PLSCR2: variants seen among roughly 807,000 people sequenced by gnomAD.
PLSCR2 encodes phospholipid scramblase 2.
In PLSCR2, 18 loss-of-function variants were observed where a neutral mutation model predicts 25.3. That is an observed-to-expected ratio of 0.71 (90% CI 0.49 to 1.06). The LOEUF (loss-of-function observed/expected upper bound fraction) is 1.06. Among genes scored for constraint, PLSCR2 ranks in the 50% least tolerant of loss-of-function variants. The pLI, the probability that PLSCR2 is intolerant of heterozygous loss-of-function variation, is 0.00. For synonymous variants in PLSCR2, 88 were observed against 87.3 expected (o/e 1.01, Z -0.04); for missense variants, 243 against 269.5 (o/e 0.90, Z 0.69).
Position 146,469,476 on chromosome 3 carries a change from G to T in PLSCR2, c.-292-9192C>A. 1.0e-6 allele frequency: 1 copy of T among 974,392 alleles called. No individual in the cohort carries two copies. Among genetic ancestry groups the T allele is most frequent in the African/African-American group, 1.8e-5 (1 of 57,046 alleles). 60.4% of individuals were successfully genotyped at this position (974,392 alleles called of 1,614,324 possible). A position where few individuals can be genotyped will look rare whatever the true frequency, so the allele number is the denominator to read the frequency against. On this transcript the variant is annotated intron_variant, in intron 1 of 8. Transcript: ENST00000336685. ...ACCCCAGTCCCATAGGGAGGCGACT[G>T]AGAAAGCCGCCCCCTTACCCGTGGC...
chr3:146,459,357 T>C (rs141996857), intron 2 of PLSCR2, among the ~76,000 whole-genome samples: 43 of 152,322 alleles, frequency 2.8e-4, no homozygotes, highest in Non-Finnish European at 5.4e-4. Flanking sequence ...TTATTCAGTA[T>C]TGGAATTAAA....
chr3:146,443,235 T>C (rs973804239), intron 6 of PLSCR2, among the ~76,000 whole-genome samples: 5 of 152,042 alleles, frequency 3.3e-5, no homozygotes, highest in Non-Finnish European at 7.4e-5. Context: ...TTTTCTTTTT[T>C]AAATATGTCT....
At chr3:146,398,531 C>T (rs1415015446) in intron 2 of PLSCR2, 1 of 150,874 alleles carries the variant, frequency 6.6e-6, no homozygotes, top group Admixed American at 6.6e-5. Context: ...TTTTAAAAAG[C>T]AAATAGTTAC....
At chr3:146,451,107 C>CTTTTTTTTTTTT (rs58373001) in intron 5 of PLSCR2, among the ~76,000 whole-genome samples, 1 of 79,482 alleles carries the variant, frequency 1.3e-5, no homozygotes, top group East Asian at 4.1e-4. Context: ...ATTAAGTTTT[C>CTTTTTTTTTTTT]TTTTTTTTTT....
chr3:146,461,465 C>T (rs540856463), upstream of PLSCR2, among the ~76,000 whole-genome samples: 8 of 152,094 alleles, frequency 5.3e-5, no homozygotes, highest in East Asian at 1.4e-3. Flanking sequence ...TGTCAATGAG[C>T]TTACAGTTAA....
At chr3:146,424,967 G>T (rs552904001) in intron 2 of PLSCR2, among the ~76,000 whole-genome samples, 2 of 152,158 alleles carry the variant, frequency 1.3e-5, no homozygotes, top group East Asian at 3.9e-4. Context: ...ACTTAATAAG[G>T]AAAGAAATAA....
At chr3:146,495,689 A>C (rs2043721501) in intron 1 of PLSCR2, among the ~76,000 whole-genome samples, 4 of 152,206 alleles carry the variant, frequency 2.6e-5, no homozygotes, top group African/African-American at 9.7e-5. Context: ...GAAGTACAGA[A>C]ACCAGTTTCT....
upstream of PLSCR2, among the ~76,000 whole-genome samples, chr3:146,460,741 C>A (rs2041526703): frequency 6.6e-6 from 1 of 152,062 alleles, no homozygotes; most frequent in African/African-American, 2.4e-5. Flanking sequence ...ATTATCCACC[C>A]CAAAATACTA....
At chr3:146,455,049 T>TGCGG (rs376519569) in intron 4 of PLSCR2, among the ~76,000 whole-genome samples, 190 bp downstream of exon 4, 60 of 152,330 alleles carry the variant, frequency 3.9e-4, no homozygotes, top group African/African-American at 1.2e-3. Context: ...GGCAGACTGC[T>TGCGG]GCGGGACACG....
chr3:146,428,614 A>G (rs547557594), downstream of PLSCR2, among the ~76,000 whole-genome samples: 92 of 152,126 alleles, frequency 6.0e-4, no homozygotes, highest in Non-Finnish European at 8.2e-4. Flanking sequence ...CAAACCCTAT[A>G]TTGTTCAGTT....
chr3:146,450,602 C>T (rs145853947), intron 5 of PLSCR2, among the ~76,000 whole-genome samples: 1 of 152,158 alleles, frequency 6.6e-6, no homozygotes, highest in Non-Finnish European at 1.5e-5. Context: ...GACTCTTGGT[C>T]TCAGGTAAAT....
chr3:146,435,820 T>C, intron 8 of PLSCR2, among the ~76,000 whole-genome samples: 1 of 152,254 alleles, frequency 6.6e-6, no homozygotes, highest in Non-Finnish European at 1.5e-5. Flanking sequence ...CCATTGCTTT[T>C]GGTGTTTTAG....
chr3:146,438,815 T>A (rs559347280), downstream of PLSCR2, among the ~76,000 whole-genome samples: 7 of 152,318 alleles, frequency 4.6e-5, no homozygotes, highest in Admixed American at 6.5e-5. Flanking sequence ...GAACCTGTCA[T>A]TATGATGTTA....
At chr3:146,392,868 T>G (rs2107964994) in intron 3 of PLSCR2, among the ~76,000 whole-genome samples, 1 of 145,658 alleles carries the variant, frequency 6.9e-6, no homozygotes, top group South Asian at 2.2e-4. Flanking sequence ...TTTTCCTAAC[T>G]TTATAGCTTT....
intron 1 of PLSCR2, among the ~76,000 whole-genome samples, chr3:146,473,000 C>T (rs1265468441): frequency 6.6e-6 from 1 of 152,142 alleles, no homozygotes; most frequent in African/African-American, 2.4e-5. Flanking sequence ...GGACACTGAT[C>T]CCATCATAGA....
In PLSCR2 at chr3:146,489,773, C is replaced by T. The variant is rs553345953; in HGVS notation, c.-293+6122G>A. Among the ~76,000 whole-genome samples, 292 of 152,202 alleles carry T rather than the reference C, an allele frequency of 1.9e-3. 1 individual carries two copies. Among genetic ancestry groups the T allele is most frequent in the African/African-American group, 6.9e-3 (286 of 41,536 alleles). Reference sequence around the variant, plus strand: ...CCTTTGCCATTACAGAAGACCCACCCAGATGGTGTGGAATAATCTCCCATC... The same window carrying T: ...CCTTTGCCATTACAGAAGACCCACCTAGATGGTGTGGAATAATCTCCCATC... On this transcript the variant is annotated intron_variant, in intron 1 of 8. Coordinates refer to the PLSCR2 transcript ENST00000336685.
chr3:146,422,889 A>G (rs1038400738), intron 2 of PLSCR2, among the ~76,000 whole-genome samples: 2 of 152,078 alleles, frequency 1.3e-5, no homozygotes, highest in Admixed American at 6.6e-5. Context: ...TAAACCTGGT[A>G]TAATAATAGG....
At position 146,424,361 on chromosome 3, in the gene PLSCR2, C is replaced by T. The variant is rs75462704; in HGVS notation, c.101-28440G>A. On this transcript the variant is annotated intron_variant and NMD_transcript_variant, in intron 2 of 3. Coordinates refer to the PLSCR2 transcript ENST00000463633. Reference sequence around the variant, plus strand: ...TTAATCTTAATTACTTCCTTATAGGCTCCATCTCCAAATACAGTCACATTG... The same window carrying T: ...TTAATCTTAATTACTTCCTTATAGGTTCCATCTCCAAATACAGTCACATTG... 2.7e-3 allele frequency among the ~76,000 whole-genome samples: 413 copies of T among 152,176 alleles called. 13 individuals carry two copies. In the East Asian group the frequency reaches 0.068, roughly 25 times the overall value.
chr3:146,393,195 A>AT (rs71158236), intron 3 of PLSCR2, among the ~76,000 whole-genome samples: 75,114 of 149,658 alleles, frequency 0.5, 19,532 homozygotes, highest in South Asian at 0.71. Flanking sequence ...CGCCCAACTA[A>AT]TTTTTTGTAT....
Sources: gnomAD v4.1 joint callset for allele counts (sites outside exome capture counted in the v4.1 genomes callset) on GRCh38, gnomAD v4.1.1 for gene constraint, MANE v1.5 for transcripts, NCBI Gene and HGNC (gene_info 2026-07-23, HGNC 2026-07-21) for gene names.